Variants in NALF1 observed in about 807,000 individuals in gnomAD.
NALF1 encodes NALCN channel auxiliary factor 1, also known as family with sequence similarity 155 member A.
Under a neutral mutation model 48.4 loss-of-function variants are expected in NALF1, and 3 were observed. That is an observed-to-expected ratio of 0.06 (90% CI 0.03 to 0.16). The LOEUF (loss-of-function observed/expected upper bound fraction) is 0.16. Ranked by LOEUF, NALF1 falls within the 10% of genes least tolerant of loss-of-function variation. The pLI is 1.00. For missense variants in NALF1, 526 were observed against 571.5 expected, an observed-to-expected ratio of 0.92 and a Z score of 0.81; for synonymous variants, 262 against 245.7, an observed-to-expected ratio of 1.07 and a Z score of -0.62.
intron 1 of NALF1, among the ~76,000 whole-genome samples, chr13:107,586,634 G>GGTTTTTTTTTTTTT (rs1403213630): frequency 1.8e-4 from 1 of 5,666 alleles, no homozygotes; most frequent in Non-Finnish European, 3.7e-4. Context: ...CCCCTATGGA[G>GGTTTTTTTTTTTTT]ATTTTTTTTT....
At chr13:107,556,133 A>G (rs948980763) in intron 1 of NALF1, among the ~76,000 whole-genome samples, 3 of 151,940 alleles carry the variant, frequency 2.0e-5, no homozygotes, top group Admixed American at 6.6e-5. Flanking sequence ...ACTGAAGAGA[A>G]CCTGACCAAT....
At chr13:107,702,103 C>T (rs1881836294) in intron 1 of NALF1, among the ~76,000 whole-genome samples, 1 of 152,112 alleles carries the variant, frequency 6.6e-6, no homozygotes, top group African/African-American at 2.4e-5. Context: ...GTAAAGGTAG[C>T]TATACATATA....
intron 1 of NALF1, among the ~76,000 whole-genome samples, chr13:107,345,198 T>C (rs1228366368): frequency 2.0e-5 from 3 of 152,148 alleles, no homozygotes; most frequent in Non-Finnish European, 2.9e-5. Context: ...TGTTCTTGCA[T>C]TGGAAGACTT....
intron 1 of NALF1, among the ~76,000 whole-genome samples, chr13:107,367,365 C>A (rs1338103704): frequency 1.3e-5 from 2 of 152,148 alleles, no homozygotes; most frequent in Non-Finnish European, 2.9e-5. Context: ...GGTTCTGGGG[C>A]CTCAATTAGA....
chr13:107,391,610 C>A (rs983991666), intron 1 of NALF1, among the ~76,000 whole-genome samples: 2 of 152,136 alleles, frequency 1.3e-5, no homozygotes, highest in Non-Finnish European at 2.9e-5. Context: ...AGTCGTCTAT[C>A]TGAGAGCTTC....
At chr13:107,351,697 C>T (rs1315700505) in intron 1 of NALF1, among the ~76,000 whole-genome samples, 1 of 152,182 alleles carries the variant, frequency 6.6e-6, no homozygotes, top group African/African-American at 2.4e-5. Context: ...TCTATCCATT[C>T]CAGATTATAA....
chr13:107,756,199 G>C (rs977206490), intron 1 of NALF1, among the ~76,000 whole-genome samples: 6 of 152,074 alleles, frequency 3.9e-5, no homozygotes, highest in Non-Finnish European at 7.4e-5. Context: ...ACATCCCAAA[G>C]ATAACGGCAA....
At chr13:107,596,582 A>G (rs1469041901) in intron 1 of NALF1, among the ~76,000 whole-genome samples, 11 of 152,162 alleles carry the variant, frequency 7.2e-5, no homozygotes, top group Non-Finnish European at 1.6e-4. Context: ...CAGAAAACCA[A>G]ACACTGCATG....
intron 1 of NALF1, among the ~76,000 whole-genome samples, chr13:107,783,469 T>C (rs1393721287): frequency 2.0e-5 from 3 of 152,162 alleles, no homozygotes; most frequent in Admixed American, 6.5e-5. Context: ...TTGCCATGTC[T>C]GTGTAGAAAG....
chr13:107,178,951 C>T (rs1268611421), intron 2 of NALF1, among the ~76,000 whole-genome samples: 1 of 143,676 alleles, frequency 7.0e-6, no homozygotes, highest in African/African-American at 2.6e-5. Flanking sequence ...TCTCAAAAAA[C>T]AAACAAAAAA....
chr13:107,302,048 A>G (rs992265567), intron 1 of NALF1, among the ~76,000 whole-genome samples: 2 of 152,200 alleles, frequency 1.3e-5, no homozygotes, highest in Non-Finnish European at 1.5e-5. Context: ...TTCTCTCATA[A>G]ATGGATTAAT....
chr13:107,822,443 A>C (rs1266834063), intron 1 of NALF1, among the ~76,000 whole-genome samples: 2 of 152,130 alleles, frequency 1.3e-5, no homozygotes, highest in Non-Finnish European at 1.5e-5. Flanking sequence ...ACTTTTTAGA[A>C]ATGGAAATGT....
At chr13:107,504,118 G>A (rs150367058) in intron 1 of NALF1, among the ~76,000 whole-genome samples, 2,940 of 151,810 alleles carry the variant, frequency 0.019, 91 homozygotes, top group African/African-American at 0.066. Flanking sequence ...TGGGTGTGGC[G>A]GCACGTGCCT....
intron 1 of NALF1, among the ~76,000 whole-genome samples, chr13:107,456,141 T>C (rs957066200): frequency 5.3e-5 from 8 of 152,142 alleles, no homozygotes; most frequent in Non-Finnish European, 8.8e-5. Flanking sequence ...TTTTTTTCAA[T>C]AGAAAGTTCA....
chr13:107,239,191 C>G (rs137960776), intron 1 of NALF1, among the ~76,000 whole-genome samples: 49 of 152,328 alleles, frequency 3.2e-4, no homozygotes, highest in African/African-American at 1.1e-3. Flanking sequence ...AACTGAGTGA[C>G]TTAAAGCAAC....
At chr13:107,262,769 G>GCGCGCTCTCTCTCTCT (rs36027059) in intron 1 of NALF1, among the ~76,000 whole-genome samples, 14 of 144,122 alleles carry the variant, frequency 9.7e-5, no homozygotes, top group South Asian at 2.3e-4. Flanking sequence ...ACCCACAGGC[G>GCGCGCTCTCTCTCTCT]CTCTCTCTCT....
At chr13:107,774,975 A>G (rs894924050) in intron 1 of NALF1, among the ~76,000 whole-genome samples, 1 of 152,206 alleles carries the variant, frequency 6.6e-6, no homozygotes, top group African/African-American at 2.4e-5. Context: ...ATGAACTGTG[A>G]ATTTCACTGA....
At chr13:107,276,853 C>T (rs957590871) in intron 1 of NALF1, among the ~76,000 whole-genome samples, 1 of 151,888 alleles carries the variant, frequency 6.6e-6, no homozygotes. Flanking sequence ...TTTAACTTAG[C>T]TAATATAAGA....
chr13:107,536,984 A>T (rs1332424169), intron 1 of NALF1, among the ~76,000 whole-genome samples: 3 of 152,210 alleles, frequency 2.0e-5, no homozygotes, highest in Admixed American at 6.5e-5. Context: ...ACAGGGACAA[A>T]AAACCAAACA....
Sources: allele counts gnomAD v4.1 joint callset (sites outside exome capture counted in the v4.1 genomes callset), GRCh38; gene constraint gnomAD v4.1.1; transcripts MANE v1.5; gene names NCBI Gene and HGNC (gene_info 2026-07-23, HGNC 2026-07-21).